The following KDM5A variants were observed in gnomAD, a reference collection of about 807,000 sequenced individuals.
KDM5A encodes lysine-specific demethylase 5A.
In KDM5A, 42 loss-of-function variants were observed where a neutral mutation model predicts 193.5. The observed-to-expected ratio is 0.22, with a 90% CI of 0.17 to 0.28. The LOEUF is 0.28. KDM5A is among the 10% of genes least tolerant of loss of function. The pLI is 1.00. For synonymous variants in KDM5A, 796 were observed against 718.1 expected (o/e 1.11, Z -1.73); for missense variants, 1,692 against 2,055.1 (o/e 0.82, Z 3.42).
chr12:378,613 T>C (rs928244262), intron 3 of KDM5A, among the ~76,000 whole-genome samples: 1 of 152,148 alleles, frequency 6.6e-6, no homozygotes, highest in Non-Finnish European at 1.5e-5. Context: ...AATAAAAATG[T>C]TTTAACAAGA....
At chr12:321,709 A>T (rs1541584) in intron 17 of KDM5A, among the ~76,000 whole-genome samples, 10,730 of 152,320 alleles carry the variant, frequency 0.07, 845 homozygotes, top group East Asian at 0.35. Flanking sequence ...AACACATTTA[A>T]ATACCACAGA....
At chr12:289,896 TTTC>T (rs1477087960) in intron 27 of KDM5A, among the ~76,000 whole-genome samples, 15,778 of 135,734 alleles carry the variant, frequency 0.12, 1,050 homozygotes, top group Non-Finnish European at 0.17. Flanking sequence ...AGCATGATTT[TTTC>T]TTTCTTTCTT....
intron 10 of KDM5A, among the ~76,000 whole-genome samples, chr12:341,512 A>G (rs1168270991): frequency 1.3e-5 from 2 of 152,194 alleles, no homozygotes; most frequent in Admixed American, 1.3e-4. Context: ...GGATAGAACC[A>G]AATAACACTA....
intron 19 of KDM5A, among the ~76,000 whole-genome samples, chr12:314,040 A>C (rs1243089701): frequency 6.6e-6 from 1 of 152,126 alleles, no homozygotes; most frequent in East Asian, 1.9e-4. Context: ...GGCAGGAAGA[A>C]AGATGCAGAG....
chr12:345,701 A>G (rs1428456012), intron 10 of KDM5A, among the ~76,000 whole-genome samples: 2 of 152,244 alleles, frequency 1.3e-5, no homozygotes, highest in Non-Finnish European at 2.9e-5. Context: ...AGAAATAAAG[A>G]TGTTCTTTGA....
intron 24 of KDM5A, among the ~76,000 whole-genome samples, chr12:298,190 C>T (rs1288748240): frequency 6.6e-6 from 1 of 152,206 alleles, no homozygotes; most frequent in Non-Finnish European, 1.5e-5. Context: ...AGCATTCGAG[C>T]TCTGATAAGC....
chr12:366,836 C>T (rs1565548182), intron 3 of KDM5A, among the ~76,000 whole-genome samples: 1 of 152,206 alleles, frequency 6.6e-6, no homozygotes. Flanking sequence ...TACAGTCATG[C>T]ACTGCATAAC....
At chr12:387,101 G>A (rs902234260) in intron 1 of KDM5A, 2 of 192,730 alleles carry the variant, frequency 1.0e-5, no homozygotes, top group South Asian at 1.5e-4. Context: ...GCAGAACAAG[G>A]ACAATTTCCA....
chr12:380,158 C>T (rs1263841244), intron 3 of KDM5A, among the ~76,000 whole-genome samples: 2 of 151,542 alleles, frequency 1.3e-5, no homozygotes, highest in East Asian at 3.9e-4. Context: ...GTCCCAGCTG[C>T]TTCTGAGGCT....
intron 26 of KDM5A, among the ~76,000 whole-genome samples, chr12:293,875 G>A (rs1276967661): frequency 1.4e-5 from 2 of 147,334 alleles, no homozygotes; most frequent in African/African-American, 2.5e-5. Context: ...GATAACAGTA[G>A]AAGATCACAA....
intron 13 of KDM5A, among the ~76,000 whole-genome samples, chr12:331,524 A>C (rs1943866031): frequency 6.6e-6 from 1 of 152,220 alleles, no homozygotes; most frequent in African/African-American, 2.4e-5. Context: ...GAAGGAAAGG[A>C]AGAAAAGAAG....
In KDM5A at chr12:281,102, C is replaced by A. The variant is rs912357641; in HGVS notation, c.*4354G>T. On this transcript the variant is annotated 3_prime_UTR_variant, in exon 28 of 28. Transcript: ENST00000399788. ...TATGGGTGTGGGGAACCTGAGCATA[C>A]ACACAATTTTTTAAATCTTTTAGAT... The A allele has an allele frequency of 4.3e-6, 1 of 232,840 alleles. No individual in the cohort carries two copies. Among genetic ancestry groups the A allele is most frequent in the Admixed American group, 5.6e-5 (1 of 17,764 alleles). The allele number at this position is 232,840 out of a possible 1,614,324, so 14.4% of individuals were successfully genotyped here.
chr12:387,021 G>C (rs1035831849), intron 1 of KDM5A, among the ~76,000 whole-genome samples: 1 of 152,090 alleles, frequency 6.6e-6, no homozygotes, highest in Non-Finnish European at 1.5e-5. Context: ...TAATGTGACA[G>C]AGCACTTTAT....
chr12:287,788 C>CA (rs1943238443), intron 27 of KDM5A, among the ~76,000 whole-genome samples: 1 of 152,138 alleles, frequency 6.6e-6, no homozygotes, highest in African/African-American at 2.4e-5. Flanking sequence ...CATGCTAATC[C>CA]ATTGGATAAG....
Position 283,411 on chromosome 12 carries a change from T to C in KDM5A, c.*2045A>G, listed in dbSNP as rs1209446594. 4 of 232,776 alleles carry C rather than the reference T, an allele frequency of 1.7e-5. No individual in the cohort carries two copies. The highest frequency in any genetic ancestry group is 3.6e-4 in the South Asian group (2 of 5,526). The allele number at this position is 232,776 out of a possible 1,614,324, so 14.4% of individuals were successfully genotyped here. ...TTACTTCAGATGAGACCTCAAGACA[T>C]ATGCACAGCAACACTAACAAACCTC... On this transcript the variant is annotated 3_prime_UTR_variant, in exon 28 of 28. Coordinates refer to ENST00000399788, the MANE Select transcript of KDM5A (RefSeq NM_001042603.3).
chr12:311,327 A>C (rs1943583940), intron 20 of KDM5A: 1 of 455,664 alleles, frequency 2.2e-6, no homozygotes, highest in Non-Finnish European at 4.0e-6. Context: ...TCAAAGGACA[A>C]TCTAAAGCAC....
intron 27 of KDM5A, among the ~76,000 whole-genome samples, chr12:290,866 G>A (rs534594950): frequency 2.2e-4 from 33 of 152,276 alleles, no homozygotes; most frequent in African/African-American, 7.5e-4. Flanking sequence ...AAAGGCTCAT[G>A]ATAGATGTAA....
chr12:318,516 G>C, intron 18 of KDM5A, 55 bp from the exon 19 acceptor site: 5 of 1,351,606 alleles, frequency 3.7e-6, no homozygotes, highest in Non-Finnish European at 5.3e-6. Flanking sequence ...ACATACAAAA[G>C]AGTATGAAAT....
chr12:318,197 G>C lies in KDM5A; in HGVS notation c.2806C>G (p.His936Asp), dbSNP rs761515638. The C allele has an allele frequency of 1.4e-5, 22 of 1,614,008 alleles. No homozygotes were observed. Among genetic ancestry groups the C allele is most frequent in the Non-Finnish European group, 1.8e-5 (21 of 1,180,008 alleles). ...IDSGVGLAPH[H>D]AVEKAMAELQ... Reference sequence around the variant, plus strand: ...TCAGCCATTGCTTTCTCCACAGCATGGTGGGGTGCCAACCCTACCCCAGAG... The same window carrying C: ...TCAGCCATTGCTTTCTCCACAGCATCGTGGGGTGCCAACCCTACCCCAGAG... Residue 936 changes from histidine (H) to aspartate (D), a missense_variant, in exon 19 of 28, where the codon CAT becomes GAT. This residue lies in a region of KDM5A where 965 missense variants were observed against 1,061.0 expected (regional missense o/e 0.91). Transcript: ENST00000399788.
Sources: gnomAD v4.1 joint callset for allele counts (sites outside exome capture counted in the v4.1 genomes callset) on GRCh38, gnomAD v4.1.1 for gene constraint, gnomAD v4.1.1 regional missense constraint, MANE v1.5 for transcripts, NCBI Gene and HGNC (gene_info 2026-07-23, HGNC 2026-07-21) for gene names.